LTBP1: variants seen among roughly 807,000 people sequenced by gnomAD.
LTBP1 encodes the protein latent transforming growth factor beta binding protein 1.
A neutral mutation model predicts 207.6 loss-of-function variants in LTBP1; 129 were observed. The ratio of observed to expected loss-of-function variants is 0.62; its 90% confidence interval spans 0.54 to 0.72. The LOEUF is 0.72. Ranked by LOEUF, LTBP1 falls within the 30% of genes least tolerant of loss-of-function variation. The probability of loss-of-function intolerance (pLI) is 0.00; values close to 1 mark genes in which losing one functional copy is unlikely to be tolerated. For synonymous variants in LTBP1, 963 were observed against 833.7 expected (o/e 1.16, Z -2.67); for missense variants, 2,281 against 2,217.2 (o/e 1.03, Z -0.58).
chr2:33,162,197 T>A (rs572858185), intron 5 of LTBP1, among the ~76,000 whole-genome samples: 2 of 152,358 alleles, frequency 1.3e-5, no homozygotes, highest in South Asian at 2.1e-4. Flanking sequence ...GTGAAGTTTT[T>A]AAAATTTTGC....
intron 3 of LTBP1, among the ~76,000 whole-genome samples, chr2:33,075,237 A>G (rs1266258870): frequency 6.6e-6 from 1 of 152,250 alleles, no homozygotes; most frequent in East Asian, 1.9e-4. Flanking sequence ...TAAGATGTCA[A>G]GGAAAAATTA....
chr2:33,172,432 T>A (rs571591618), intron 5 of LTBP1, among the ~76,000 whole-genome samples: 1 of 152,204 alleles, frequency 6.6e-6, no homozygotes, highest in Non-Finnish European at 1.5e-5. Context: ...GGTAAAGGGA[T>A]CAATTCAAAA....
At chr2:33,273,925 C>CA (rs1221286312) in intron 16 of LTBP1, 144 bp downstream of exon 16, 3 of 543,718 alleles carry the variant, frequency 5.5e-6, no homozygotes, top group South Asian at 5.1e-5. Flanking sequence ...TAAGGGAGCT[C>CA]AAAAAAAGGT....
intron 3 of LTBP1, among the ~76,000 whole-genome samples, chr2:33,044,313 G>A (rs2076341591): frequency 6.6e-6 from 1 of 151,892 alleles, no homozygotes; most frequent in African/African-American, 2.4e-5. Context: ...CCCTCCCTGT[G>A]TCCATGTGTT....
rs1003913197 is a variant in LTBP1 at position 33,302,679 on chromosome 2, A to C, written c.3481+1035A>C. On this transcript the variant is annotated intron_variant, in intron 22 of 33. Transcript: ENST00000404816. The stretch of plus-strand genomic sequence containing the variant: ...TAAAGGCCTTAAAGTGTATACTGTT[A>C]ATGAATCAGTAAATCAACTTCTAAG... Among the ~76,000 whole-genome samples, 10 of 152,156 alleles carry C rather than the reference A, an allele frequency of 6.6e-5. No individual in the cohort carries two copies. In the East Asian group the frequency reaches 1.9e-3, roughly 29 times the overall value.
intron 3 of LTBP1, among the ~76,000 whole-genome samples, chr2:33,044,757 C>T (rs2076361988): frequency 2.0e-5 from 3 of 152,184 alleles, no homozygotes; most frequent in Admixed American, 6.5e-5. Flanking sequence ...TATTTCTCCA[C>T]ATCCTCTCCA....
Position 33,134,580 on chromosome 2 carries a change from T to G in LTBP1, c.1034-213T>G. On this transcript the variant is annotated intron_variant, in intron 4 of 33. Coordinates refer to ENST00000404816, the MANE Select transcript of LTBP1 (RefSeq NM_206943.4). This position sits in a 1 kb window ranked among gnomAD's most constrained non-coding sequence, Gnocchi z 4.4. ...CATCCCAGAGTTCTGTTTGCTAAGC[T>G]TCCTACTCCTGTTTCAGAGACACCA... 1 of 1,536,980 alleles carries G rather than the reference T, an allele frequency of 6.5e-7. No individual in the cohort carries two copies. Among genetic ancestry groups the G allele is most frequent in the East Asian group, 2.5e-5 (1 of 40,366 alleles).
intron 11 of LTBP1, among the ~76,000 whole-genome samples, chr2:33,254,549 GTTT>G (rs531576154): frequency 2.1e-4 from 20 of 95,584 alleles, no homozygotes; most frequent in Non-Finnish European, 3.6e-4. Context: ...TTTAAACTTG[GTTT>G]TTTTTTTTTT....
intron 31 of LTBP1, among the ~76,000 whole-genome samples, chr2:33,388,971 A>G (rs930458922): frequency 4.6e-5 from 7 of 152,102 alleles, no homozygotes; most frequent in Non-Finnish European, 1.0e-4. Flanking sequence ...TCAATTTGGA[A>G]CCTTAATTAT....
chr2:33,342,588 A>G (rs2094641957), intron 24 of LTBP1, among the ~76,000 whole-genome samples: 1 of 152,272 alleles, frequency 6.6e-6, no homozygotes, highest in Non-Finnish European at 1.5e-5. Flanking sequence ...ATTTCAGTCT[A>G]AAAACATTTC....
intron 5 of LTBP1, among the ~76,000 whole-genome samples, chr2:33,142,231 A>G (rs1310688161): frequency 6.7e-6 from 1 of 149,986 alleles, no homozygotes; most frequent in Non-Finnish European, 1.5e-5. Flanking sequence ...TTTTTTTTGT[A>G]TTTTCAGTAG....
At chr2:33,270,610 A>AT (rs988346218) in intron 15 of LTBP1, among the ~76,000 whole-genome samples, 37 of 151,420 alleles carry the variant, frequency 2.4e-4, no homozygotes, top group Non-Finnish European at 4.7e-4. Flanking sequence ...AAAAAAAAAA[A>AT]AGAATGGAAT....
chr2:33,084,992 G>A (rs577991433), intron 3 of LTBP1, among the ~76,000 whole-genome samples: 1 of 152,332 alleles, frequency 6.6e-6, no homozygotes, highest in Admixed American at 6.5e-5. Flanking sequence ...TAAGGATCTA[G>A]AGATGAGATC....
intron 24 of LTBP1, among the ~76,000 whole-genome samples, chr2:33,338,797 C>T (rs569367361): frequency 1.3e-5 from 2 of 152,144 alleles, no homozygotes; most frequent in African/African-American, 4.8e-5. Flanking sequence ...AAATTAAAGA[C>T]CGTAGGTTTT....
intron 31 of LTBP1, among the ~76,000 whole-genome samples, chr2:33,384,198 CCTTTT>C (rs1172701213): frequency 6.6e-6 from 1 of 152,160 alleles, no homozygotes; most frequent in African/African-American, 2.4e-5. Context: ...AATTTTTAAA[CCTTTT>C]CTTTTTTCAA....
rs79005982 is a variant in LTBP1, at chr2:33,012,280, G to T, written c.566-8629G>T. ...AGGGCACAGAGCTGGGATGGGGTGG[G>T]GGGGGCTTCACACTCAAATCTCTGT... On this transcript the variant is annotated intron_variant, in intron 2 of 33. Transcript: ENST00000404816. Among the ~76,000 whole-genome samples, 590 of 152,306 alleles carry T rather than the reference G, an allele frequency of 3.9e-3. 2 individuals carry two copies. The highest frequency in any genetic ancestry group is 9.2e-3 in the African/African-American group (381 of 41,570).
At chr2:33,042,807 G>A (rs531217070) in intron 3 of LTBP1, among the ~76,000 whole-genome samples, 1 of 152,216 alleles carries the variant, frequency 6.6e-6, no homozygotes, top group South Asian at 2.1e-4. Context: ...ATGTTGTTAC[G>A]CTAATAAATT....
intron 2 of LTBP1, among the ~76,000 whole-genome samples, chr2:33,009,576 C>A (rs1687392664): frequency 6.6e-6 from 1 of 152,140 alleles, no homozygotes; most frequent in African/African-American, 2.4e-5. Context: ...TTGAGGCTAC[C>A]AGAATCTAGG....
chr2:33,134,517 C>G lies in LTBP1; in HGVS notation c.1034-276C>G. On this transcript the variant is annotated intron_variant, in intron 4 of 33. Transcript: ENST00000404816. The surrounding 1 kb of genome is among the most constrained non-coding windows in gnomAD (Gnocchi z 4.4). Reference sequence around the variant, plus strand: ...AGTGCAGCATTGTGGTTAGTAATCCCACTCCAGTGACTCGACTTCAAATGT... The same window carrying G: ...AGTGCAGCATTGTGGTTAGTAATCCGACTCCAGTGACTCGACTTCAAATGT... 1 of 1,452,960 alleles carries G rather than the reference C, an allele frequency of 6.9e-7. No individual in the cohort carries two copies. Among genetic ancestry groups the G allele is most frequent in the Non-Finnish European group, 9.3e-7 (1 of 1,074,620 alleles). The allele number at this position is 1,452,960 out of a possible 1,614,324, so 90.0% of individuals were successfully genotyped here.
Sources: allele counts gnomAD v4.1 joint callset (sites outside exome capture counted in the v4.1 genomes callset), GRCh38; gene constraint gnomAD v4.1.1; non-coding constraint Gnocchi (gnomAD v3.1); transcripts MANE v1.5; gene names NCBI Gene and HGNC (gene_info 2026-07-23, HGNC 2026-07-21).